EXOC6B: variants seen among roughly 807,000 people sequenced by gnomAD.
The protein encoded by EXOC6B is SEC15 homolog B.
EXOC6B carries 54 observed loss-of-function variants against 113.5 expected under a neutral mutation model. The ratio of observed to expected loss-of-function variants is 0.48; its 90% CI spans 0.38 to 0.60. The LOEUF (loss-of-function observed/expected upper bound fraction) is 0.60. EXOC6B is among the 20% of genes least tolerant of loss of function. The pLI is 0.00. For synonymous variants in EXOC6B, 357 were observed against 339.0 expected (o/e 1.05, Z -0.58); for missense variants, 797 against 977.5 (o/e 0.82, Z 2.46).
At chr2:72,260,863 A>T (rs1371774989) in intron 20 of EXOC6B, among the ~76,000 whole-genome samples, 1 of 152,150 alleles carries the variant, frequency 6.6e-6, no homozygotes, top group African/African-American at 2.4e-5. Flanking sequence ...CTTTTCTCTA[A>T]ACCATTGATT....
intron 20 of EXOC6B, among the ~76,000 whole-genome samples, chr2:72,278,706 C>T (rs1367506902): frequency 6.6e-6 from 1 of 152,070 alleles, no homozygotes; most frequent in Non-Finnish European, 1.5e-5. Context: ...TAATTGCTAC[C>T]TCACAAGATT....
intron 7 of EXOC6B, among the ~76,000 whole-genome samples, chr2:72,575,272 G>T (rs1008549768): frequency 1.3e-5 from 2 of 152,028 alleles, no homozygotes; most frequent in Non-Finnish European, 2.9e-5. Context: ...CAAAATAGAG[G>T]AGTGAATTTA....
At chr2:72,822,198 A>C (rs989157041) in intron 1 of EXOC6B, among the ~76,000 whole-genome samples, 1 of 152,226 alleles carries the variant, frequency 6.6e-6, no homozygotes, top group African/African-American at 2.4e-5. Flanking sequence ...TCAAAATTTT[A>C]GTATTTATAA....
intron 5 of EXOC6B, among the ~76,000 whole-genome samples, chr2:72,720,534 G>T (rs1035486996): frequency 1.3e-5 from 2 of 152,154 alleles, no homozygotes; most frequent in African/African-American, 2.4e-5. Flanking sequence ...GATCACTTGA[G>T]CTCAGGAGTT....
chr2:72,764,797 G>C (rs1558983386), intron 1 of EXOC6B, among the ~76,000 whole-genome samples: 2 of 152,086 alleles, frequency 1.3e-5, no homozygotes, highest in Admixed American at 1.3e-4. Context: ...CCCATACTTT[G>C]TCTTTGCAAA....
chr2:72,782,992 A>C (rs1193397436), intron 1 of EXOC6B, among the ~76,000 whole-genome samples: 2 of 152,246 alleles, frequency 1.3e-5, no homozygotes, highest in Non-Finnish European at 2.9e-5. Flanking sequence ...ATGGAAGTGC[A>C]GTTATCCCTC....
chr2:72,479,953 A>T (rs1698976285), intron 17 of EXOC6B, among the ~76,000 whole-genome samples: 1 of 152,186 alleles, frequency 6.6e-6, no homozygotes, highest in Non-Finnish European at 1.5e-5. Flanking sequence ...CCGCAATCCC[A>T]GCATTTTGAG....
At chr2:72,719,980 TA>T (rs1679887153) in intron 5 of EXOC6B, among the ~76,000 whole-genome samples, 1 of 152,190 alleles carries the variant, frequency 6.6e-6, no homozygotes, top group Non-Finnish European at 1.5e-5. Flanking sequence ...TATTTAAGTG[TA>T]ATATATCTAA....
intron 18 of EXOC6B, among the ~76,000 whole-genome samples, chr2:72,400,215 A>C (rs1693048464): frequency 6.6e-6 from 1 of 152,194 alleles, no homozygotes; most frequent in Non-Finnish European, 1.5e-5. Flanking sequence ...GTTTTGGGAA[A>C]ATTGGATAGC....
intron 1 of EXOC6B, among the ~76,000 whole-genome samples, chr2:72,778,851 T>C (rs1290458247): frequency 2.6e-5 from 4 of 152,178 alleles, no homozygotes; most frequent in Admixed American, 2.6e-4. Context: ...TTCTTCAGGG[T>C]TATTAATTTT....
At chr2:72,689,338 A>C (rs1677321150) in intron 6 of EXOC6B, among the ~76,000 whole-genome samples, 1 of 152,150 alleles carries the variant, frequency 6.6e-6, no homozygotes, top group Non-Finnish European at 1.5e-5. Context: ...ATCACTTATC[A>C]AAGTGGTTAA....
In EXOC6B at chr2:72,825,485, C is replaced by G. The variant is rs1360860142; in HGVS notation, c.113+313G>C. Among the ~76,000 whole-genome samples, 2 of 152,210 alleles carry G rather than the reference C, an allele frequency of 1.3e-5. No homozygotes were observed. The highest frequency in any genetic ancestry group is 1.5e-5 in the Non-Finnish European group (1 of 68,028). ...AGGGTGATGTCCCCAGGGGGAAGAT[C>G]TGCCGGGAGCCACCACCATCTGTCG... On this transcript the variant is annotated intron_variant, in intron 1 of 21. Coordinates refer to ENST00000272427, the MANE Select transcript of EXOC6B (RefSeq NM_015189.3). The surrounding 1 kb of genome is among the most constrained non-coding windows in gnomAD (Gnocchi z 4.4).
intron 16 of EXOC6B, among the ~76,000 whole-genome samples, chr2:72,489,563 T>C (rs1699625261): frequency 6.6e-6 from 1 of 152,180 alleles, no homozygotes; most frequent in Non-Finnish European, 1.5e-5. Flanking sequence ...TTCACAACAT[T>C]CCTGTGAAAT....
At chr2:72,806,899 A>G (rs1195024989) in intron 1 of EXOC6B, among the ~76,000 whole-genome samples, 3 of 151,572 alleles carry the variant, frequency 2.0e-5, no homozygotes, top group African/African-American at 7.3e-5. Context: ...TTGTTACTTT[A>G]AGTCCTTATA....
At chr2:72,465,461 C>A in intron 17 of EXOC6B, 122 bp from the exon 18 acceptor site, 1 of 693,244 alleles carries the variant, frequency 1.4e-6, no homozygotes, top group Non-Finnish European at 2.3e-6. Flanking sequence ...GAATACTGAG[C>A]CATACATATC....
At chr2:72,732,248 A>T (rs982200216) in intron 3 of EXOC6B, among the ~76,000 whole-genome samples, 19 of 152,028 alleles carry the variant, frequency 1.2e-4, no homozygotes, top group African/African-American at 4.6e-4. Flanking sequence ...TCCTGGGCTT[A>T]AGAGATCCTC....
intron 1 of EXOC6B, among the ~76,000 whole-genome samples, chr2:72,792,486 TCAATTTCA>T (rs1684729055): frequency 1.3e-5 from 2 of 152,230 alleles, no homozygotes; most frequent in Non-Finnish European, 1.5e-5. Context: ...TCTTCTTACT[TCAATTTCA>T]TCCACTTTTA....
chr2:72,239,269 T>C lies in EXOC6B; in HGVS notation c.2197-55082A>G, dbSNP rs548561052. Among the ~76,000 whole-genome samples, 64 of 152,336 alleles carry C rather than the reference T, an allele frequency of 4.2e-4. 1 individual carries two copies. In the South Asian group the frequency reaches 0.013, roughly 31 times the overall value. On this transcript the variant is annotated intron_variant, in intron 20 of 21. Coordinates refer to ENST00000272427, the MANE Select transcript of EXOC6B (RefSeq NM_015189.3). ...TTATACGGTGTTGCCTAACTCAAGG[T>C]CAGAAGATTTACTTCAATGTTTCTT...
rs1365437330 is a variant in EXOC6B, at chr2:72,655,128, A to G, written c.669+62975T>C. ...GTGAGACACATATTCAGTGTCCAGA[A>G]TTACTGAATCAATTATTCAAACAAG... On this transcript the variant is annotated intron_variant, in intron 6 of 21. Coordinates refer to ENST00000272427, the MANE Select transcript of EXOC6B (RefSeq NM_015189.3). Among the ~76,000 whole-genome samples the G allele has an allele frequency of 2.0e-5, 3 of 152,206 alleles. No individual in the cohort carries two copies. The East Asian group carries it at 5.8e-4, about 29-fold the overall frequency.
Sources: gnomAD v4.1 joint callset for allele counts (sites outside exome capture counted in the v4.1 genomes callset) on GRCh38, gnomAD v4.1.1 for gene constraint, Gnocchi (gnomAD v3.1) non-coding constraint, MANE v1.5 for transcripts, NCBI Gene and HGNC (gene_info 2026-07-23, HGNC 2026-07-21) for gene names.